The following CSMD1 variants were observed in gnomAD, a reference collection of about 807,000 sequenced individuals.
CSMD1 encodes the protein CUB and sushi domain-containing protein 1.
Under a neutral mutation model 417.5 loss-of-function variants are expected in CSMD1, and 213 were observed. The ratio of observed to expected loss-of-function variants is 0.51; its 90% CI spans 0.46 to 0.57. The LOEUF (loss-of-function observed/expected upper bound fraction) is 0.57. Ranked by LOEUF, CSMD1 falls within the 20% of genes least tolerant of loss-of-function variation. CSMD1 has a pLI of 0.00. For synonymous variants in CSMD1, 2,862 were observed against 1,736.8 expected, an observed-to-expected ratio of 1.65 and a Z score of -16.11; for missense variants, 6,923 against 4,529.7, an observed-to-expected ratio of 1.53 and a Z score of -15.17.
intron 47 of CSMD1, among the ~76,000 whole-genome samples, chr8:3,094,101 TA>T (rs1563332342): frequency 2.0e-5 from 3 of 151,206 alleles, no homozygotes; most frequent in South Asian, 4.2e-4. Flanking sequence ...TATTTTATTT[TA>T]TTTTTTATTT....
At chr8:3,580,833 T>G (rs1800351714) in intron 9 of CSMD1, among the ~76,000 whole-genome samples, 1 of 152,188 alleles carries the variant, frequency 6.6e-6, no homozygotes, top group Admixed American at 6.5e-5. Flanking sequence ...CTTATTACTC[T>G]TTAAAAGGTC....
chr8:3,269,366 A>G (rs12542137), intron 26 of CSMD1, among the ~76,000 whole-genome samples: 10,102 of 152,304 alleles, frequency 0.066, 455 homozygotes, highest in Non-Finnish European at 0.09. Flanking sequence ...CTTCATAGGC[A>G]GAGAAACTTG....
chr8:3,977,739 C>T (rs1267821901), intron 5 of CSMD1, among the ~76,000 whole-genome samples: 2 of 152,212 alleles, frequency 1.3e-5, no homozygotes, highest in African/African-American at 4.8e-5. Context: ...TAATTTTGGT[C>T]TTCACAATTT....
intron 3 of CSMD1, among the ~76,000 whole-genome samples, chr8:4,041,156 A>G (rs953036740): frequency 2.6e-5 from 4 of 151,584 alleles, no homozygotes; most frequent in Non-Finnish European, 2.9e-5. Flanking sequence ...AGCTGGGACT[A>G]CAGGCGCCCG....
intron 25 of CSMD1, among the ~76,000 whole-genome samples, chr8:3,306,784 G>C (rs1179756427): frequency 6.6e-6 from 1 of 151,862 alleles, no homozygotes; most frequent in Admixed American, 6.6e-5. Flanking sequence ...TGCCTTATGT[G>C]CTATGGTTTT....
intron 2 of CSMD1, among the ~76,000 whole-genome samples, chr8:4,572,034 G>A (rs1256133831): frequency 2.6e-5 from 4 of 152,140 alleles, no homozygotes; most frequent in Non-Finnish European, 5.9e-5. Context: ...TGAGTCTCCT[G>A]AATACAGCAC....
At chr8:4,538,427 G>A (rs1161761548) in intron 2 of CSMD1, among the ~76,000 whole-genome samples, 2 of 152,008 alleles carry the variant, frequency 1.3e-5, no homozygotes, top group East Asian at 1.9e-4. Flanking sequence ...GAGATCACCT[G>A]AGATCAGGAG....
intron 1 of CSMD1, among the ~76,000 whole-genome samples, chr8:4,947,891 G>A (rs1483553819): frequency 6.6e-6 from 1 of 151,938 alleles, no homozygotes; most frequent in Non-Finnish European, 1.5e-5. Flanking sequence ...TGCAAGGTGT[G>A]CGTCCATTCT....
chr8:4,683,683 T>C (rs555974898), intron 1 of CSMD1, among the ~76,000 whole-genome samples: 165 of 152,320 alleles, frequency 1.1e-3, no homozygotes, highest in African/African-American at 3.8e-3. Context: ...GTCCAGTGGC[T>C]CTGTTTCCTT....
At chr8:3,256,114 G>A (rs1397701599) in intron 26 of CSMD1, among the ~76,000 whole-genome samples, 1 of 151,892 alleles carries the variant, frequency 6.6e-6, no homozygotes, top group African/African-American at 2.4e-5. Context: ...AATCACCTGA[G>A]GTCAGGAGTT....
At chr8:4,975,755 G>A (rs1298489783) in intron 1 of CSMD1, among the ~76,000 whole-genome samples, 1 of 152,152 alleles carries the variant, frequency 6.6e-6, no homozygotes, top group African/African-American at 2.4e-5. Flanking sequence ...ACGGCCAACT[G>A]TTTCCATAAT....
intron 5 of CSMD1, among the ~76,000 whole-genome samples, chr8:3,790,451 G>C (rs570096859): frequency 1.7e-4 from 26 of 152,078 alleles, no homozygotes; most frequent in Non-Finnish European, 3.2e-4. Flanking sequence ...ATGATGACAC[G>C]GTTATGGTAA....
At chr8:4,985,426 A>G (rs969568126) in intron 1 of CSMD1, among the ~76,000 whole-genome samples, 1 of 152,220 alleles carries the variant, frequency 6.6e-6, no homozygotes, top group Non-Finnish European at 1.5e-5. Flanking sequence ...CATGCGTTAC[A>G]GTTATACTGA....
At chr8:3,323,999 T>C (rs113059239) in intron 23 of CSMD1, among the ~76,000 whole-genome samples, 2 of 101,044 alleles carry the variant, frequency 2.0e-5, no homozygotes, top group South Asian at 3.6e-4. Flanking sequence ...TAGACACACA[T>C]CTAACCCCCA....
chr8:4,118,246 A>G (rs1802274944), intron 3 of CSMD1, among the ~76,000 whole-genome samples: 1 of 152,326 alleles, frequency 6.6e-6, no homozygotes, highest in Admixed American at 6.5e-5. Flanking sequence ...TCCAGCAACT[A>G]AACTTCTGAA....
intron 10 of CSMD1, among the ~76,000 whole-genome samples, chr8:3,548,255 C>T (rs10108693): frequency 0.052 from 7,967 of 152,192 alleles, 605 homozygotes; most frequent in African/African-American, 0.17. Context: ...CCCTTCCTCA[C>T]TCTCTGTAGC....
intron 2 of CSMD1, among the ~76,000 whole-genome samples, chr8:4,558,729 C>T (rs951723852): frequency 2.6e-5 from 4 of 152,052 alleles, no homozygotes; most frequent in Non-Finnish European, 4.4e-5. Context: ...ATTAGCCCAG[C>T]ATGGTGGTGG....
chr8:4,537,740 G>A lies in CSMD1; in HGVS notation c.302+99602C>T, dbSNP rs79043716. Reference sequence around the variant, plus strand: ...TCCCCCAGCGAAGCCACGGGAATACGCAGTGGAAGACCTACCTGGCCTCGA... The same window carrying A: ...TCCCCCAGCGAAGCCACGGGAATACACAGTGGAAGACCTACCTGGCCTCGA... On this transcript the variant is annotated intron_variant, in intron 2 of 69. Transcript: ENST00000635120. Among the ~76,000 whole-genome samples the A allele has an allele frequency of 3.3e-3, 506 of 152,232 alleles. 17 individuals are homozygous for A. In the East Asian group the frequency reaches 0.068, roughly 21 times the overall value.
chr8:4,862,599 A>T (rs749913747), intron 1 of CSMD1, among the ~76,000 whole-genome samples: 3 of 152,088 alleles, frequency 2.0e-5, no homozygotes, highest in Admixed American at 6.5e-5. Flanking sequence ...AAAATAAGAT[A>T]AAAAATTGGA....
Sources: allele counts gnomAD v4.1 joint callset (sites outside exome capture counted in the v4.1 genomes callset), GRCh38; gene constraint gnomAD v4.1.1; transcripts MANE v1.5; gene names NCBI Gene and HGNC (gene_info 2026-07-23, HGNC 2026-07-21).